HMG20A: variants seen among roughly 807,000 people sequenced by gnomAD.
The protein encoded by HMG20A is high mobility group 20A, also known as high mobility group protein 20A.
In HMG20A, 17 loss-of-function variants were observed where a neutral mutation model predicts 43.9. The observed-to-expected ratio is 0.39, with a 90% CI of 0.27 to 0.58. HMG20A has a LOEUF of 0.58. Among genes scored for constraint, HMG20A ranks in the 20% least tolerant of loss-of-function variants. HMG20A has a pLI of 0.59. For synonymous variants in HMG20A, 132 were observed against 147.5 expected (o/e 0.89, Z 0.76); for missense variants, 341 against 438.2 (o/e 0.78, Z 1.98).
At chr15:77,500,462 C>T in the HMG20A span, among the ~76,000 whole-genome samples, 2 of 152,076 alleles carry the variant, frequency 1.3e-5, no homozygotes, top group African/African-American at 2.4e-5. Flanking sequence ...TAGTGGGTGG[C>T]GTATGTCTCC....
intron 1 of HMG20A, among the ~76,000 whole-genome samples, chr15:77,443,856 G>A (rs1303089095): frequency 6.6e-6 from 1 of 151,796 alleles, no homozygotes; most frequent in African/African-American, 2.4e-5. Flanking sequence ...GATCACAGGC[G>A]CGTGCCCCCA....
At chr15:77,471,068 T>G in intron 5 of HMG20A, 26 bp downstream of exon 5, 1 of 1,600,988 alleles carries the variant, frequency 6.2e-7, no homozygotes. Context: ...CCAAATGTAT[T>G]TGTAGTTTGT....
chr15:77,466,717 G>A (rs1185054219), intron 3 of HMG20A, among the ~76,000 whole-genome samples: 4 of 152,122 alleles, frequency 2.6e-5, no homozygotes, highest in Non-Finnish European at 5.9e-5. Flanking sequence ...TTTCCCATTT[G>A]GATACTCTCC....
chr15:77,425,260 C>G (rs1309905738), intron 1 of HMG20A, among the ~76,000 whole-genome samples: 1 of 152,176 alleles, frequency 6.6e-6, no homozygotes, highest in Non-Finnish European at 1.5e-5. Context: ...TTTATGCCTT[C>G]CCTAAAAGGC....
rs1595932980 is a variant in HMG20A, at chr15:77,478,595, G to A, written c.907+85G>A. ...GTGCTGTTTATGTTAGTACTGGTGTGGAGAGATTGAAATCTCCTCCAGAGG... is the reference window on the plus strand; with the variant it reads ...GTGCTGTTTATGTTAGTACTGGTGTAGAGAGATTGAAATCTCCTCCAGAGG... On this transcript the variant is annotated intron_variant, in intron 8 of 9. Transcript: ENST00000336216. 4 of 1,029,194 alleles carry A rather than the reference G, an allele frequency of 3.9e-6. No individual in the cohort carries two copies. The East Asian group carries it at 7.6e-5, about 19-fold the overall frequency. The allele number at this position is 1,029,194 out of a possible 1,614,324, so 63.8% of individuals were successfully genotyped here. A position where few individuals can be genotyped will look rare whatever the true frequency, so the allele number is the denominator to read the frequency against.
At chr15:77,506,089 A>G in the HMG20A span, among the ~76,000 whole-genome samples, 1 of 151,836 alleles carries the variant, frequency 6.6e-6, no homozygotes, top group Non-Finnish European at 1.5e-5. Flanking sequence ...AAAAAAAAAA[A>G]AACCCTTTAA....
At chr15:77,426,148 A>G (rs755261793) in intron 1 of HMG20A, among the ~76,000 whole-genome samples, 5 of 152,172 alleles carry the variant, frequency 3.3e-5, no homozygotes, top group Non-Finnish European at 7.4e-5. Flanking sequence ...GAAGTGATGA[A>G]AATGTGCCAG....
chr15:77,485,696 G>A (rs2072941511), downstream of HMG20A: 1 of 152,224 alleles, frequency 6.6e-6, no homozygotes, highest in Non-Finnish European at 1.5e-5. Flanking sequence ...CACTTTGGAA[G>A]GCCAAGGCAG....
chr15:77,427,687 C>G (rs2073440408), intron 1 of HMG20A, among the ~76,000 whole-genome samples: 1 of 151,996 alleles, frequency 6.6e-6, no homozygotes, highest in African/African-American at 2.4e-5. Flanking sequence ...TCCTAGAAAT[C>G]AAAATTCTCT....
intron 4 of HMG20A, among the ~76,000 whole-genome samples, chr15:77,469,916 C>T (rs567169696): frequency 2.0e-5 from 3 of 152,172 alleles, no homozygotes; most frequent in Admixed American, 6.5e-5. Context: ...GATCCACCCA[C>T]CTCGGTCTCC....
chr15:77,471,643 A>G (rs1262909875), intron 5 of HMG20A, 140 bp from the exon 6 acceptor site: 8 of 633,522 alleles, frequency 1.3e-5, no homozygotes. Context: ...ACCGATTAAT[A>G]AAGCCTTAAG....
chr15:77,435,616 A>T (rs1297443137), intron 1 of HMG20A, among the ~76,000 whole-genome samples: 4 of 152,022 alleles, frequency 2.6e-5, no homozygotes, highest in Non-Finnish European at 5.9e-5. Context: ...CTTTAAGTTT[A>T]CTTAAACCCT....
rs568235130 is a variant in HMG20A at position 77,458,845 on chromosome 15, A to G, written c.89+349A>G. ...TGTTCAAATTACCACAGATATTAAA[A>G]TAGTTTTTTCCCAAAGATCAGATTT... On this transcript the variant is annotated intron_variant, in intron 2 of 9. Transcript: ENST00000336216. Among the ~76,000 whole-genome samples, 73 of 152,360 alleles carry G rather than the reference A, an allele frequency of 4.8e-4. 2 individuals carry two copies. The South Asian group carries it at 0.013, about 28-fold the overall frequency.
At chr15:77,463,099 G>A (rs1455203646) in intron 2 of HMG20A, among the ~76,000 whole-genome samples, 1 of 152,014 alleles carries the variant, frequency 6.6e-6, no homozygotes, top group African/African-American at 2.4e-5. Context: ...TCTCTTAACT[G>A]TCCTTCTGCT....
chr15:77,495,377 GTC>G, the HMG20A span, among the ~76,000 whole-genome samples: 1 of 152,004 alleles, frequency 6.6e-6, no homozygotes, highest in African/African-American at 2.4e-5. Context: ...GTGAAATCCT[GTC>G]TCTACTAAAA....
Position 77,447,711 on chromosome 15 carries a change from G to A in HMG20A, c.-4-10693G>A, listed in dbSNP as rs1400912751. The A allele has an allele frequency of 6.6e-5, 10 of 151,792 alleles. No individual in the cohort carries two copies. In the South Asian group the frequency reaches 1.9e-3, roughly 28 times the overall value. The allele number at this position is 151,792 out of a possible 1,614,324, so 9.4% of individuals were successfully genotyped here. On this transcript the variant is annotated intron_variant, in intron 1 of 9. Coordinates refer to ENST00000336216, the MANE Select transcript of HMG20A (RefSeq NM_001304504.2). Reference sequence around the variant, plus strand: ...CTCTTTTTCTCCCTTTTTATTTTTCGAAAACAGAGTCTCTACAAGGAAGAT... The same window carrying A: ...CTCTTTTTCTCCCTTTTTATTTTTCAAAAACAGAGTCTCTACAAGGAAGAT...
intron 1 of HMG20A, among the ~76,000 whole-genome samples, chr15:77,432,977 T>C (rs2073503489): frequency 6.6e-6 from 1 of 152,146 alleles, no homozygotes; most frequent in Non-Finnish European, 1.5e-5. Flanking sequence ...AATGGACAAA[T>C]TGTTAAATGC....
intron 1 of HMG20A, among the ~76,000 whole-genome samples, chr15:77,426,395 T>G (rs2073428243): frequency 6.6e-6 from 1 of 152,204 alleles, no homozygotes; most frequent in Non-Finnish European, 1.5e-5. Flanking sequence ...TTACATGTAC[T>G]ATGTACTGTA....
chr15:77,464,614 C>A (rs1298785145), intron 3 of HMG20A: 4 of 378,180 alleles, frequency 1.1e-5, no homozygotes, highest in Non-Finnish European at 2.0e-5. Context: ...TGTATACTTA[C>A]CTCATATTAG....
Sources: allele counts gnomAD v4.1 joint callset (sites outside exome capture counted in the v4.1 genomes callset), GRCh38; gene constraint gnomAD v4.1.1; transcripts MANE v1.5; gene names NCBI Gene and HGNC (gene_info 2026-07-23, HGNC 2026-07-21).